The following PDGFD variants were observed in gnomAD, a reference collection of about 807,000 sequenced individuals.
The protein encoded by PDGFD is platelet-derived growth factor D.
A neutral mutation model predicts 44.7 loss-of-function variants in PDGFD; 30 were observed. The ratio of observed to expected loss-of-function variants is 0.67; its 90% confidence interval spans 0.50 to 0.91. The LOEUF is 0.91. Among genes scored for constraint, PDGFD ranks in the 40% least tolerant of loss-of-function variants. The pLI is 0.00. For missense variants in PDGFD, 445 were observed against 457.8 expected (o/e 0.97, Z 0.25); for synonymous variants, 173 against 168.4 (o/e 1.03, Z -0.21).
intron 1 of PDGFD, among the ~76,000 whole-genome samples, chr11:104,010,586 T>C (rs576630793): frequency 3.3e-5 from 5 of 152,218 alleles, no homozygotes; most frequent in Admixed American, 2.0e-4. Context: ...AATATTAAAA[T>C]GGAAATAATT....
chr11:104,015,799 C>A (rs866651786), intron 1 of PDGFD, among the ~76,000 whole-genome samples: 1 of 152,090 alleles, frequency 6.6e-6, no homozygotes, highest in South Asian at 2.1e-4. Context: ...TAGCCATTCA[C>A]CCATTTTCCA....
Position 104,122,775 on chromosome 11 carries a change from T to C in PDGFD, c.124+41029A>G, listed in dbSNP as rs1011715673. ...AAGTCTTGTGAAAGGAAAATACACA[T>C]GCCTTTAACTTCAGTTTTTGGACTA... On this transcript the variant is annotated intron_variant, in intron 1 of 6. Transcript: ENST00000393158. Among the ~76,000 whole-genome samples the C allele has an allele frequency of 3.9e-5, 6 of 152,084 alleles. No individual in the cohort carries two copies. The South Asian group carries it at 1.0e-3, about 26-fold the overall frequency.
intron 1 of PDGFD, among the ~76,000 whole-genome samples, chr11:104,127,145 T>G (rs1861853355): frequency 6.6e-6 from 1 of 151,964 alleles, no homozygotes; most frequent in Admixed American, 6.6e-5. Flanking sequence ...AAATAAGAAC[T>G]TAAAGTGTGA....
intron 1 of PDGFD, among the ~76,000 whole-genome samples, chr11:104,032,017 C>T (rs1486573783): frequency 1.3e-5 from 2 of 152,022 alleles, no homozygotes; most frequent in Non-Finnish European, 2.9e-5. Flanking sequence ...CAGGGGAGAG[C>T]ATGAGGAAAA....
chr11:103,942,651 A>T (rs1565290624), intron 5 of PDGFD, among the ~76,000 whole-genome samples: 1 of 152,092 alleles, frequency 6.6e-6, no homozygotes. Context: ...CAGATATCAG[A>T]TCTAGAAGGT....
At chr11:103,911,296 C>T (rs1858025583) in intron 6 of PDGFD, among the ~76,000 whole-genome samples, 2 of 152,202 alleles carry the variant, frequency 1.3e-5, no homozygotes, top group Non-Finnish European at 2.9e-5. Flanking sequence ...TGGGAGACAT[C>T]TCCCATTAGG....
At chr11:104,029,300 A>T (rs968388858) in intron 1 of PDGFD, among the ~76,000 whole-genome samples, 20 of 152,162 alleles carry the variant, frequency 1.3e-4, no homozygotes, top group African/African-American at 4.6e-4. Context: ...AGGTGAGTTG[A>T]TTTATCTTTT....
At chr11:104,011,612 GT>G (rs1362206820) in intron 1 of PDGFD, among the ~76,000 whole-genome samples, 1 of 152,040 alleles carries the variant, frequency 6.6e-6, no homozygotes, top group Non-Finnish European at 1.5e-5. Context: ...CATAAATTTA[GT>G]CATGAGTAGG....
chr11:104,048,140 A>G (rs904510970), intron 1 of PDGFD, among the ~76,000 whole-genome samples: 1 of 152,044 alleles, frequency 6.6e-6, no homozygotes, highest in Middle Eastern at 3.2e-3. Context: ...ACTGCATTTT[A>G]TTAACTTTTC....
chr11:104,124,745 A>T (rs1861819742), intron 1 of PDGFD, among the ~76,000 whole-genome samples: 1 of 152,122 alleles, frequency 6.6e-6, no homozygotes, highest in South Asian at 2.1e-4. Context: ...TAAAAAAATG[A>T]GGGTTTCCTT....
chr11:104,019,440 T>C (rs887260959), intron 1 of PDGFD, among the ~76,000 whole-genome samples: 1 of 152,206 alleles, frequency 6.6e-6, no homozygotes, highest in African/African-American at 2.4e-5. Context: ...ACTATTCCTC[T>C]AGTCAACTAA....
intron 3 of PDGFD, among the ~76,000 whole-genome samples, chr11:103,964,464 C>T (rs1022218611): frequency 6.6e-6 from 1 of 152,124 alleles, no homozygotes; most frequent in African/African-American, 2.4e-5. Context: ...CATGAGAGAG[C>T]CAGGACTAGA....
chr11:104,085,838 G>A (rs1387699205), intron 1 of PDGFD, among the ~76,000 whole-genome samples: 1 of 152,132 alleles, frequency 6.6e-6, no homozygotes, highest in Non-Finnish European at 1.5e-5. Context: ...ATGGGAGAGT[G>A]AGAGAGAAAA....
At chr11:104,148,099 G>T (rs1197416251) in intron 1 of PDGFD, among the ~76,000 whole-genome samples, 1 of 152,104 alleles carries the variant, frequency 6.6e-6, no homozygotes, top group East Asian at 1.9e-4. Flanking sequence ...GAGTAGCATG[G>T]TTTACTGTTA....
Position 103,927,099 on chromosome 11 carries a change from G to T in PDGFD, c.800C>A (p.Ala267Asp), listed in dbSNP as rs915914913. The T allele has an allele frequency of 1.2e-6, 2 of 1,614,052 alleles. No individual in the cohort carries two copies. Among genetic ancestry groups the T allele is most frequent in the South Asian group, 1.1e-5 (1 of 91,078 alleles). The change falls in exon 6 of 7, where the codon GCC (alanine) becomes GAC (aspartate). Residue 267 changes from alanine (A) to aspartate (D), a missense_variant. Coordinates refer to ENST00000393158, the MANE Select transcript of PDGFD (RefSeq NM_025208.5). ...CCTGGGAGTGCAACTGTAACGCTTG[G>T]CATCATCATTGAGCCTATCCAGGTC... ...KVDLDRLNDDAKRYSCTPRNY... is the reference protein window; with the variant it reads ...KVDLDRLNDDDKRYSCTPRNY...
chr11:104,076,368 T>C (rs1333276375), intron 1 of PDGFD, among the ~76,000 whole-genome samples: 1 of 152,240 alleles, frequency 6.6e-6, no homozygotes, highest in African/African-American at 2.4e-5. Context: ...TATTATCTAA[T>C]GTGACCATAT....
At chr11:104,090,046 C>CT (rs1861188686) in intron 1 of PDGFD, among the ~76,000 whole-genome samples, 1 of 152,114 alleles carries the variant, frequency 6.6e-6, no homozygotes, top group Admixed American at 6.6e-5. Flanking sequence ...TCAATCAAAT[C>CT]TATAACATAA....
intron 6 of PDGFD, among the ~76,000 whole-genome samples, chr11:103,916,732 T>C (rs2134302740): frequency 6.6e-6 from 1 of 152,240 alleles, no homozygotes; most frequent in Non-Finnish European, 1.5e-5. Flanking sequence ...ACATGGCACA[T>C]ATACACCATG....
chr11:104,002,352 C>T (rs1458072158), intron 1 of PDGFD, among the ~76,000 whole-genome samples: 2 of 152,060 alleles, frequency 1.3e-5, no homozygotes, highest in Non-Finnish European at 2.9e-5. Context: ...GGGGTGGTTC[C>T]CCCATGCTGT....
Sources: allele counts gnomAD v4.1 joint callset (sites outside exome capture counted in the v4.1 genomes callset), GRCh38; gene constraint gnomAD v4.1.1; transcripts MANE v1.5; gene names NCBI Gene and HGNC (gene_info 2026-07-23, HGNC 2026-07-21).